PLCB1: variants seen among roughly 807,000 people sequenced by gnomAD.
The protein encoded by PLCB1 is 1-phosphatidylinositol 4,5-bisphosphate phosphodiesterase beta-1.
In PLCB1, 46 loss-of-function variants were observed where a neutral mutation model predicts 161.8. The ratio of observed to expected loss-of-function variants is 0.28; its 90% CI spans 0.22 to 0.36. PLCB1 has a LOEUF of 0.36. PLCB1 is among the 10% of genes least tolerant of loss of function. PLCB1 has a pLI of 1.00. For synonymous variants in PLCB1, 517 were observed against 503.7 expected, an observed-to-expected ratio of 1.03 and a Z score of -0.35; for missense variants, 1,016 against 1,472.5, an observed-to-expected ratio of 0.69 and a Z score of 5.07.
chr20:8,603,247 C>CT lies in PLCB1; in HGVS notation c.247-25046dup, dbSNP rs199527166. ...GACTTTAACTCTCTCTGAATGGCAC[C>CT]TATAACTAAAAATACATCTCGGGAA... On this transcript the variant is annotated intron_variant, in intron 3 of 31. Transcript: ENST00000338037. Among the ~76,000 whole-genome samples the CT allele has an allele frequency of 7.9e-3, 1,203 of 152,174 alleles. 13 individuals carry two copies. The highest frequency in any genetic ancestry group is 0.027 in the African/African-American group (1,121 of 41,492).
At chr20:8,192,511 T>A (rs2051980719) in intron 2 of PLCB1, among the ~76,000 whole-genome samples, 1 of 142,098 alleles carries the variant, frequency 7.0e-6, no homozygotes, top group Non-Finnish European at 1.5e-5. Flanking sequence ...CATTGGTAGA[T>A]TTTTTTTTTT....
chr20:8,277,189 C>T (rs989508205), intron 2 of PLCB1, among the ~76,000 whole-genome samples: 60 of 151,500 alleles, frequency 4.0e-4, no homozygotes, highest in East Asian at 2.1e-3. Flanking sequence ...TTAGTAGAGA[C>T]GGGGTTTACA....
chr20:8,627,728 GT>G (rs1988397595), intron 3 of PLCB1, among the ~76,000 whole-genome samples: 1 of 152,194 alleles, frequency 6.6e-6, no homozygotes, highest in African/African-American at 2.4e-5. Context: ...AGTTCCCTAT[GT>G]CCAAATCCCA....
chr20:8,792,278 A>AT (rs1234991055), intron 31 of PLCB1: 82 of 210,140 alleles, frequency 3.9e-4, no homozygotes, highest in Admixed American at 3.7e-3. Context: ...CCCATTCTTA[A>AT]ACCAATCATG....
At chr20:8,504,411 A>G (rs1232828290) in intron 3 of PLCB1, among the ~76,000 whole-genome samples, 2 of 152,214 alleles carry the variant, frequency 1.3e-5, no homozygotes, top group Non-Finnish European at 2.9e-5. Flanking sequence ...TAAAAATACT[A>G]AAAATAATGG....
chr20:8,276,350 G>A (rs1195155166), intron 2 of PLCB1, among the ~76,000 whole-genome samples: 1 of 152,154 alleles, frequency 6.6e-6, no homozygotes, highest in Non-Finnish European at 1.5e-5. Context: ...TGAGAATAAT[G>A]AAACATAATA....
chr20:8,569,422 A>T (rs1424856582), intron 3 of PLCB1, among the ~76,000 whole-genome samples: 2 of 152,222 alleles, frequency 1.3e-5, no homozygotes, highest in Non-Finnish European at 2.9e-5. Flanking sequence ...TTTTTATAAA[A>T]CTGTGATAAA....
chr20:8,261,991 C>T (rs1981721491), intron 2 of PLCB1, among the ~76,000 whole-genome samples: 1 of 152,140 alleles, frequency 6.6e-6, no homozygotes, highest in Admixed American at 6.5e-5. Flanking sequence ...GCACTCTTAG[C>T]TGCTTTCTTC....
At chr20:8,576,848 C>T (rs970725234) in intron 3 of PLCB1, among the ~76,000 whole-genome samples, 1 of 152,120 alleles carries the variant, frequency 6.6e-6, no homozygotes, top group African/African-American at 2.4e-5. Flanking sequence ...TGATTAACTA[C>T]ACAATAATTC....
At chr20:8,675,867 G>C (rs1055474283) in intron 9 of PLCB1, among the ~76,000 whole-genome samples, 1 of 152,188 alleles carries the variant, frequency 6.6e-6, no homozygotes, top group African/African-American at 2.4e-5. Flanking sequence ...ACCAATCCAA[G>C]TTATTTTATA....
chr20:8,392,564 A>G (rs549112067), intron 3 of PLCB1, among the ~76,000 whole-genome samples: 1 of 152,296 alleles, frequency 6.6e-6, no homozygotes, highest in East Asian at 1.9e-4. Context: ...GACAAGCAGG[A>G]TGATCCCTGG....
chr20:8,710,670 A>G lies in PLCB1; in HGVS notation c.1250+1918A>G, dbSNP rs1482383666. Among the ~76,000 whole-genome samples the G allele has an allele frequency of 4.0e-5, 6 of 151,772 alleles. No homozygotes were observed. The South Asian group carries it at 1.0e-3, about 26-fold the overall frequency. Reference sequence around the variant, plus strand: ...GCTGGGATTACAGGCATGCACCACCATGCTCAGCTAATTTTGTATTTTTAG... The same window carrying G: ...GCTGGGATTACAGGCATGCACCACCGTGCTCAGCTAATTTTGTATTTTTAG... On this transcript the variant is annotated intron_variant, in intron 12 of 31. Coordinates refer to ENST00000338037, the MANE Select transcript of PLCB1 (RefSeq NM_015192.4).
chr20:8,618,892 A>G (rs1988102519), intron 3 of PLCB1, among the ~76,000 whole-genome samples: 2 of 152,218 alleles, frequency 1.3e-5, no homozygotes, highest in Admixed American at 1.3e-4. Flanking sequence ...TATGTATTAT[A>G]GAATATAGTT....
intron 10 of PLCB1, among the ~76,000 whole-genome samples, chr20:8,695,050 A>G (rs1271009893): frequency 6.6e-6 from 1 of 152,228 alleles, no homozygotes; most frequent in Non-Finnish European, 1.5e-5. Context: ...GCAATTAGGA[A>G]TGGCAATTTG....
chr20:8,278,253 A>G (rs1291019360), intron 2 of PLCB1, among the ~76,000 whole-genome samples: 2 of 144,828 alleles, frequency 1.4e-5, no homozygotes, highest in Non-Finnish European at 3.1e-5. Context: ...CAAAGAAACA[A>G]TCATATATAT....
rs144000475 is a variant in PLCB1 at position 8,191,825 on chromosome 20, A to G, written c.177+41454A>G. 3.1e-3 allele frequency among the ~76,000 whole-genome samples: 471 copies of G among 152,136 alleles called. 4 individuals carry two copies. Among genetic ancestry groups the G allele is most frequent in the African/African-American group, 0.011 (455 of 41,526 alleles). On this transcript the variant is annotated intron_variant, in intron 2 of 31. Coordinates refer to ENST00000338037, the MANE Select transcript of PLCB1 (RefSeq NM_015192.4). ...AATAACTCATTTGCCTATTTTAGTC[A>G]ATGCTCAGGTGTCTTGTTTTTCCTA...
chr20:8,826,272 G>A (rs1283284444), intron 31 of PLCB1, among the ~76,000 whole-genome samples: 1 of 152,072 alleles, frequency 6.6e-6, no homozygotes, highest in Non-Finnish European at 1.5e-5. Flanking sequence ...GAGGCGGGTG[G>A]ATCACGAGGT....
At chr20:8,299,540 TC>T (rs1983799980) in intron 2 of PLCB1, among the ~76,000 whole-genome samples, 1 of 152,218 alleles carries the variant, frequency 6.6e-6, no homozygotes, top group African/African-American at 2.4e-5. Context: ...CGTCACTGTT[TC>T]TTCCATATGC....
intron 25 of PLCB1, among the ~76,000 whole-genome samples, chr20:8,762,691 A>T (rs1982105122): frequency 6.6e-6 from 1 of 152,242 alleles, no homozygotes; most frequent in Admixed American, 6.5e-5. Flanking sequence ...ACCATTAAAT[A>T]AATGTACCTG....
Sources: gnomAD v4.1 joint callset for allele counts (sites outside exome capture counted in the v4.1 genomes callset) on GRCh38, gnomAD v4.1.1 for gene constraint, MANE v1.5 for transcripts, NCBI Gene and HGNC (gene_info 2026-07-23, HGNC 2026-07-21) for gene names.